The following SYT16 variants were observed in gnomAD, a reference collection of about 807,000 sequenced individuals.
SYT16 encodes synaptotagmin 16.
In SYT16, 42 loss-of-function variants were observed where a neutral mutation model predicts 61.4. The observed-to-expected ratio is 0.68, with a 90% CI of 0.53 to 0.89. SYT16 has a LOEUF of 0.89. Ranked by LOEUF, SYT16 falls within the 40% of genes least tolerant of loss-of-function variation. The pLI is 0.00. For missense variants in SYT16, 804 were observed against 807.3 expected, an observed-to-expected ratio of 1.00 and a Z score of 0.05; for synonymous variants, 314 against 302.3, an observed-to-expected ratio of 1.04 and a Z score of -0.40.
chr14:62,024,215 G>C (rs981452557), intron 3 of SYT16, among the ~76,000 whole-genome samples: 2 of 152,042 alleles, frequency 1.3e-5, no homozygotes, highest in African/African-American at 4.8e-5. Context: ...AAAATAGCTA[G>C]AGTTTCATCT....
At chr14:61,832,643 G>A (rs1294021755) in intron 1 of SYT16, among the ~76,000 whole-genome samples, 2 of 152,110 alleles carry the variant, frequency 1.3e-5, no homozygotes, top group Non-Finnish European at 2.9e-5. Flanking sequence ...TCACCATGTT[G>A]GCCAGGCTGG....
intron 1 of SYT16, among the ~76,000 whole-genome samples, chr14:61,893,550 TA>T (rs1467713080): frequency 6.6e-6 from 1 of 152,236 alleles, no homozygotes; most frequent in African/African-American, 2.4e-5. Flanking sequence ...GAATCATTAA[TA>T]ATAATCCAGA....
intron 7 of SYT16, among the ~76,000 whole-genome samples, chr14:62,096,154 A>C (rs1354964670): frequency 1.3e-5 from 2 of 152,088 alleles, no homozygotes; most frequent in Non-Finnish European, 2.9e-5. Context: ...GAGACTATTG[A>C]GTTTGGGTAG....
chr14:62,085,816 T>C (rs1201674227), intron 7 of SYT16, among the ~76,000 whole-genome samples: 2 of 152,252 alleles, frequency 1.3e-5, no homozygotes, highest in African/African-American at 4.8e-5. Flanking sequence ...AGATGCTTAT[T>C]ATTAATTGCA....
chr14:61,929,036 C>T (rs2049653067), intron 1 of SYT16, among the ~76,000 whole-genome samples: 1 of 152,204 alleles, frequency 6.6e-6, no homozygotes, highest in South Asian at 2.1e-4. Flanking sequence ...ATGCTAAACA[C>T]ATTTCTGGTG....
chr14:61,924,581 G>C (rs1453587415), intron 1 of SYT16, among the ~76,000 whole-genome samples: 1 of 152,132 alleles, frequency 6.6e-6, no homozygotes, highest in Non-Finnish European at 1.5e-5. Context: ...AAAAACCTTT[G>C]ATGACAATCT....
At chr14:61,995,796 T>G in intron 2 of SYT16, 80 bp from the exon 3 acceptor site, 1 of 404,778 alleles carries the variant, frequency 2.5e-6, no homozygotes, top group Non-Finnish European at 4.3e-6. Context: ...AAATGCTGTT[T>G]GACATCGTCT....
At chr14:62,005,669 A>G (rs1169178245) in intron 3 of SYT16, among the ~76,000 whole-genome samples, 39 of 152,192 alleles carry the variant, frequency 2.6e-4, no homozygotes, top group Admixed American at 2.6e-3. Context: ...GTGTGTAAGT[A>G]GATATGAGGA....
intron 1 of SYT16, among the ~76,000 whole-genome samples, chr14:61,966,431 A>G (rs1354875012): frequency 6.6e-6 from 1 of 152,124 alleles, no homozygotes; most frequent in Admixed American, 6.5e-5. Flanking sequence ...TATTTTCCAA[A>G]CATTCTACTC....
intron 1 of SYT16, chr14:61,865,303 C>A (rs72716791): frequency 1.4e-6 from 1 of 739,796 alleles, no homozygotes. Context: ...TCCCTCTGAA[C>A]GCAGGGATGC....
chr14:61,868,469 A>G (rs1418260213), intron 1 of SYT16, among the ~76,000 whole-genome samples: 1 of 151,868 alleles, frequency 6.6e-6, no homozygotes. Context: ...TATAAGCACT[A>G]CTTTTGCTGC....
chr14:62,050,815 C>T (rs1038335171), intron 3 of SYT16, among the ~76,000 whole-genome samples: 4 of 152,022 alleles, frequency 2.6e-5, no homozygotes, highest in Non-Finnish European at 5.9e-5. Flanking sequence ...ATGCTGCTGC[C>T]TGATCATTCC....
intron 1 of SYT16, among the ~76,000 whole-genome samples, chr14:61,842,945 T>C (rs1327355652): frequency 2.0e-5 from 3 of 152,068 alleles, no homozygotes; most frequent in African/African-American, 7.2e-5. Flanking sequence ...TAAAGAAAAA[T>C]TTAAAAAAGT....
chr14:61,889,589 C>T (rs217684), intron 1 of SYT16, among the ~76,000 whole-genome samples: 32 of 150,726 alleles, frequency 2.1e-4, no homozygotes, highest in East Asian at 5.9e-4. Context: ...GCTCTTGCTC[C>T]CTCTCTCTCT....
At chr14:61,974,706 G>A (rs2051710013) in intron 2 of SYT16, among the ~76,000 whole-genome samples, 1 of 152,232 alleles carries the variant, frequency 6.6e-6, no homozygotes, top group Non-Finnish European at 1.5e-5. Flanking sequence ...GTTACTTTGA[G>A]TAGCAAGTTT....
At chr14:61,876,036 T>G (rs1422113001) in intron 1 of SYT16, among the ~76,000 whole-genome samples, 1 of 152,124 alleles carries the variant, frequency 6.6e-6, no homozygotes, top group Non-Finnish European at 1.5e-5. Context: ...GATAGATGCT[T>G]GATAGAGTTG....
At chr14:61,965,801 A>T (rs1336038404) in intron 1 of SYT16, among the ~76,000 whole-genome samples, 1 of 152,042 alleles carries the variant, frequency 6.6e-6, no homozygotes, top group Non-Finnish European at 1.5e-5. Context: ...ATTATCGAAG[A>T]TGCAATTGAA....
chr14:61,975,504 G>A (rs1265520304), intron 2 of SYT16, among the ~76,000 whole-genome samples: 1 of 152,146 alleles, frequency 6.6e-6, no homozygotes, highest in Non-Finnish European at 1.5e-5. Flanking sequence ...CATGATGGAT[G>A]GTGAGGGGGA....
At chr14:61,842,763 C>T (rs970854614) in intron 1 of SYT16, among the ~76,000 whole-genome samples, 8 of 138,602 alleles carry the variant, frequency 5.8e-5, no homozygotes, top group Middle Eastern at 3.6e-3. Context: ...CATCACACAC[C>T]GGGGACTGTT....
Sources: gnomAD v4.1 joint callset for allele counts (sites outside exome capture counted in the v4.1 genomes callset) on GRCh38, gnomAD v4.1.1 for gene constraint, MANE v1.5 for transcripts, NCBI Gene and HGNC (gene_info 2026-07-23, HGNC 2026-07-21) for gene names.